JAKMIP2: variants seen among roughly 807,000 people sequenced by gnomAD.
JAKMIP2 encodes the protein janus kinase and microtubule-interacting protein 2.
Under a neutral mutation model 115.0 loss-of-function variants are expected in JAKMIP2, and 25 were observed. That is an observed-to-expected ratio of 0.22 (90% CI 0.16 to 0.30). The LOEUF (loss-of-function observed/expected upper bound fraction) is 0.30, where lower values mean the gene tolerates loss of function less well. Among genes scored for constraint, JAKMIP2 ranks in the 10% least tolerant of loss-of-function variants. The pLI, the probability that JAKMIP2 is intolerant of heterozygous loss-of-function variation, is 1.00. For missense variants in JAKMIP2, 642 were observed against 957.6 expected (o/e 0.67, Z 4.35); for synonymous variants, 334 against 343.6 (o/e 0.97, Z 0.31).
intron 14 of JAKMIP2, 57 bp downstream of exon 14, chr5:147,631,356 T>C (rs1757340676): frequency 8.9e-7 from 1 of 1,120,306 alleles, no homozygotes; most frequent in Non-Finnish European, 1.3e-6. Flanking sequence ...ACCTCCCCTT[T>C]TCCAATTCCC....
rs1322431862 is a variant in JAKMIP2, at chr5:147,690,581, ATATG to A, written c.-148-18631_-148-18628del. Among the ~76,000 whole-genome samples, 120 of 102,358 alleles carry A rather than the reference ATATG, an allele frequency of 1.2e-3. 1 individual carries two copies. The highest frequency in any genetic ancestry group is 3.2e-3 in the African/African-American group (91 of 28,316). 67.2% of individuals were successfully genotyped at this position (102,358 alleles called of 152,430 possible). A position where few individuals can be genotyped will look rare whatever the true frequency, so the allele number is the denominator to read the frequency against. ...TATATATATATATATATATATATATATATGCACATATGCACACACATCTATGTGG... is the reference window on the plus strand; with the variant it reads ...TATATATATATATATATATATATATACACATATGCACACACATCTATGTGG... On this transcript the variant is annotated intron_variant, in intron 1 of 21. Transcript: ENST00000616793.
chr5:147,621,946 C>A (rs1035630746), intron 17 of JAKMIP2, among the ~76,000 whole-genome samples: 1 of 152,126 alleles, frequency 6.6e-6, no homozygotes, highest in Non-Finnish European at 1.5e-5. Context: ...CGGCTCACTG[C>A]AAACTCCGCC....
At chr5:147,750,594 A>ACACACACACACACACAC (rs1561575467) in intron 1 of JAKMIP2, among the ~76,000 whole-genome samples, 2 of 151,326 alleles carry the variant, frequency 1.3e-5, no homozygotes, top group South Asian at 2.1e-4. Flanking sequence ...ACACACACAC[A>ACACACACACACACACAC]AAAGAAACCT....
At chr5:147,688,182 C>A (rs1222750902) in intron 1 of JAKMIP2, among the ~76,000 whole-genome samples, 2 of 152,178 alleles carry the variant, frequency 1.3e-5, no homozygotes, top group Non-Finnish European at 2.9e-5. Context: ...CATTTGCTGT[C>A]CAGAGCATTA....
Position 147,614,683 on chromosome 5 carries a change from A to G in JAKMIP2, c.2347-2312T>C, listed in dbSNP as rs78548236. ...AGTTTAAGCGGGTGGGGAAGAAAAG[A>G]AGGAAGAGTTAGTTGAGTTGTACTC... is the stretch of plus-strand genomic sequence containing the variant. On this transcript the variant is annotated intron_variant, in intron 19 of 21. Transcript: ENST00000616793. 6.4e-3 allele frequency among the ~76,000 whole-genome samples: 978 copies of G among 152,306 alleles called. 53 individuals carry two copies. In the East Asian group the frequency reaches 0.13, roughly 20 times the overall value.
intron 1 of JAKMIP2, among the ~76,000 whole-genome samples, chr5:147,746,775 T>G (rs908728137): frequency 9.9e-5 from 15 of 152,200 alleles, no homozygotes. Context: ...TATGTAACAT[T>G]GGAAACATTA....
intron 1 of JAKMIP2, among the ~76,000 whole-genome samples, chr5:147,742,085 A>G (rs1409579146): frequency 6.8e-6 from 1 of 147,920 alleles, no homozygotes; most frequent in African/African-American, 2.5e-5. Context: ...TGCTACTTTG[A>G]TATTGCTTTA....
chr5:147,707,665 A>G (rs1177136133), intron 1 of JAKMIP2, among the ~76,000 whole-genome samples: 1 of 152,178 alleles, frequency 6.6e-6, no homozygotes, highest in Non-Finnish European at 1.5e-5. Context: ...ATTGATAGAT[A>G]TATTCATTTT....
rs145924252 is a variant in JAKMIP2 at position 147,698,074 on chromosome 5, G to A, written c.-148-26120C>T. On this transcript the variant is annotated intron_variant, in intron 1 of 21. Transcript: ENST00000616793. The stretch of plus-strand genomic sequence containing the variant: ...CTGTATCCTGCAAAGTCACAGGAGC[G>A]GAGCTTCCCAAGGCCATGAGCCCAC... Among the ~76,000 whole-genome samples, 818 of 152,296 alleles carry A rather than the reference G, an allele frequency of 5.4e-3. 18 individuals are homozygous for A. Among genetic ancestry groups the A allele is most frequent in the African/African-American group, 0.017 (721 of 41,558 alleles).
At chr5:147,732,570 G>A (rs1190247460) in intron 1 of JAKMIP2, among the ~76,000 whole-genome samples, 1 of 152,082 alleles carries the variant, frequency 6.6e-6, no homozygotes. Flanking sequence ...AAAACATAAG[G>A]CTAATTGTAT....
At chr5:147,634,500 A>G (rs1349171477) in intron 12 of JAKMIP2, among the ~76,000 whole-genome samples, 1 of 152,198 alleles carries the variant, frequency 6.6e-6, no homozygotes, top group Non-Finnish European at 1.5e-5. Context: ...TAACATTATA[A>G]AGGAGATTCT....
chr5:147,746,095 T>C (rs1165989353), intron 1 of JAKMIP2, among the ~76,000 whole-genome samples: 1 of 152,122 alleles, frequency 6.6e-6, no homozygotes, highest in African/African-American at 2.4e-5. Flanking sequence ...TTTGAGAGAA[T>C]AGGATCCAAG....
chr5:147,758,115 A>T (rs1394413136), intron 1 of JAKMIP2, among the ~76,000 whole-genome samples: 1 of 152,160 alleles, frequency 6.6e-6, no homozygotes, highest in African/African-American at 2.4e-5. Flanking sequence ...ACGGTTTAGT[A>T]AAGATTCAGA....
intron 1 of JAKMIP2, among the ~76,000 whole-genome samples, chr5:147,769,480 G>T (rs1755270780): frequency 6.6e-6 from 1 of 152,036 alleles, no homozygotes; most frequent in African/African-American, 2.4e-5. Context: ...TTATGACTGA[G>T]CCACATAGTA....
chr5:147,741,915 G>A (rs1052794759), intron 1 of JAKMIP2, among the ~76,000 whole-genome samples: 1 of 151,854 alleles, frequency 6.6e-6, no homozygotes, highest in Non-Finnish European at 1.5e-5. Context: ...GGGGACAATA[G>A]TATTAATGCT....
chr5:147,722,737 T>C (rs1753364041), intron 1 of JAKMIP2, among the ~76,000 whole-genome samples: 1 of 152,218 alleles, frequency 6.6e-6, no homozygotes, highest in African/African-American at 2.4e-5. Flanking sequence ...GTTTGGTGTT[T>C]TGTTCGATGA....
At chr5:147,603,692 G>C (rs10038789) in intron 20 of JAKMIP2, among the ~76,000 whole-genome samples, 1 of 152,196 alleles carries the variant, frequency 6.6e-6, no homozygotes, top group Non-Finnish European at 1.5e-5. Flanking sequence ...AAATATGCAA[G>C]GTTGATAATT....
intron 1 of JAKMIP2, among the ~76,000 whole-genome samples, chr5:147,674,124 C>A (rs954174965): frequency 6.6e-6 from 1 of 151,904 alleles, no homozygotes; most frequent in East Asian, 1.9e-4. Flanking sequence ...TTACATTAGT[C>A]CCCCCAAACC....
rs1754962848 is a variant in JAKMIP2, at chr5:147,588,401, TTGA to T, written c.*3303_*3305del. 1.3e-5 allele frequency: 2 copies of T among 149,862 alleles called. No individual in the cohort carries two copies. Among genetic ancestry groups the T allele is most frequent in the African/African-American group, 4.9e-5 (2 of 40,954 alleles). 9.3% of individuals were successfully genotyped at this position (149,862 alleles called of 1,614,324 possible). On this transcript the variant is annotated 3_prime_UTR_variant, in exon 22 of 22. Coordinates refer to ENST00000616793, the MANE Select transcript of JAKMIP2 (RefSeq NM_001270941.2). ...GTGGGGCCACAGGAAATCTCAGTTA[TTGA>T]TAACTTTTTTTTTTTTTTTTTTGCT...
Sources: gnomAD v4.1 joint callset for allele counts (sites outside exome capture counted in the v4.1 genomes callset) on GRCh38, gnomAD v4.1.1 for gene constraint, MANE v1.5 for transcripts, NCBI Gene and HGNC (gene_info 2026-07-23, HGNC 2026-07-21) for gene names.